The following DTX4 variants were observed in gnomAD, a reference collection of about 807,000 sequenced individuals.
DTX4 encodes deltex E3 ubiquitin ligase 4, also known as E3 ubiquitin-protein ligase DTX4.
Under a neutral mutation model 57.6 loss-of-function variants are expected in DTX4, and 28 were observed. The observed-to-expected ratio is 0.49, with a 90% CI of 0.36 to 0.67. DTX4 has a LOEUF of 0.67. DTX4 is among the 30% of genes least tolerant of loss of function. DTX4 has a pLI of 0.00. For missense variants in DTX4, 715 were observed against 836.8 expected (o/e 0.85, Z 1.80); for synonymous variants, 316 against 331.0 (o/e 0.95, Z 0.49).
In DTX4 at chr11:59,172,480, C is replaced by A. The variant is rs1262851341; in HGVS notation, c.-116C>A. 3 of 456,496 alleles carry A rather than the reference C, an allele frequency of 6.6e-6. No individual in the cohort carries two copies. Among genetic ancestry groups the A allele is most frequent in the African/African-American group, 6.4e-5 (3 of 47,218 alleles). 28.3% of individuals were successfully genotyped at this position (456,496 alleles called of 1,614,324 possible). Reference sequence around the variant, plus strand: ...GCTGAGGCTGCCCGGGGCGGCGGGGCGCGGGGCAGGGGGCGCGGTCGAGGC... The same window carrying A: ...GCTGAGGCTGCCCGGGGCGGCGGGGAGCGGGGCAGGGGGCGCGGTCGAGGC... On this transcript the variant is annotated 5_prime_UTR_variant, in exon 1 of 9. Transcript: ENST00000227451.
At chr11:59,184,147 C>T (rs1033920005) in intron 2 of DTX4, among the ~76,000 whole-genome samples, 8 of 152,214 alleles carry the variant, frequency 5.3e-5, no homozygotes, top group African/African-American at 1.7e-4. Flanking sequence ...ATGGCTAAAC[C>T]TTGCTGCTGC....
intron 8 of DTX4, among the ~76,000 whole-genome samples, chr11:59,203,010 A>G (rs1197020004): frequency 6.6e-6 from 1 of 152,250 alleles, no homozygotes; most frequent in Non-Finnish European, 1.5e-5. Flanking sequence ...TTGAAGAGGT[A>G]CAGTAAAAAT....
chr11:59,200,891 TCAA>T (rs1862733114), intron 8 of DTX4, among the ~76,000 whole-genome samples: 2 of 152,226 alleles, frequency 1.3e-5, no homozygotes, highest in Admixed American at 1.3e-4. Flanking sequence ...GCTGCTTACT[TCAA>T]CAAGTATTTA....
chr11:59,183,758 C>CCCTACT (rs1414893316), intron 2 of DTX4, among the ~76,000 whole-genome samples: 1 of 152,180 alleles, frequency 6.6e-6, no homozygotes, highest in African/African-American at 2.4e-5. Flanking sequence ...GAGGCCCAGC[C>CCCTACT]CCTACTCCTA....
At chr11:59,187,427 A>C (rs907443471) in intron 2 of DTX4, among the ~76,000 whole-genome samples, 1 of 152,210 alleles carries the variant, frequency 6.6e-6, no homozygotes, top group Non-Finnish European at 1.5e-5. Flanking sequence ...AGCTCTGTGC[A>C]TGTTGGTAAC....
chr11:59,199,867 C>A, intron 8 of DTX4, 94 bp downstream of exon 8: 1 of 1,024,096 alleles, frequency 9.8e-7, no homozygotes, highest in Non-Finnish European at 1.5e-6. Flanking sequence ...TCTTACAATG[C>A]ACAGACCAAA....
intron 7 of DTX4, 89 bp downstream of exon 7, chr11:59,195,458 T>C: frequency 7.0e-7 from 1 of 1,424,802 alleles, no homozygotes; most frequent in Non-Finnish European, 9.3e-7. Context: ...ATATGAAGAG[T>C]CTCCTTCCCA....
rs764675300 is a variant in DTX4, at chr11:59,195,375, C to A, written c.1536+6C>A. ...GCATCCCCCCCGGCATTCAGGTGAG[C>A]CTTTCTCTCAGGTGAGCCTTTCTGT... On this transcript the variant is annotated splice_donor_region_variant and intron_variant, in intron 7 of 8. Coordinates refer to ENST00000227451, the MANE Select transcript of DTX4 (RefSeq NM_015177.2). The A allele has an allele frequency of 2.5e-6, 4 of 1,597,174 alleles. No individual in the cohort carries two copies. The highest frequency in any genetic ancestry group is 3.4e-6 in the Non-Finnish European group (4 of 1,168,696).
chr11:59,182,428 G>C lies in DTX4; in HGVS notation c.901G>C (p.Ala301Pro). 6.2e-7 allele frequency: 1 copy of C among 1,611,960 alleles called. No individual in the cohort carries two copies. Among genetic ancestry groups the C allele is most frequent in the Non-Finnish European group, 8.5e-7 (1 of 1,178,972 alleles). Reference sequence around the variant, plus strand: ...GAATCGTACCAACCTGCAGCGACTGGCCATTGCCCAGTCCCGGGTGCTGAT... The same window carrying C: ...GAATCGTACCAACCTGCAGCGACTGCCCATTGCCCAGTCCCGGGTGCTGAT... Reference protein sequence around the residue: ...TLNRTNLQRLAIAQSRVLIAS... With the variant: ...TLNRTNLQRLPIAQSRVLIAS... Residue 301 changes from alanine to proline, a missense_variant, in exon 2 of 9, where the codon GCC becomes CCC. Coordinates refer to ENST00000227451, the MANE Select transcript of DTX4 (RefSeq NM_015177.2).
chr11:59,188,173 A>G (rs1268616867), intron 2 of DTX4, among the ~76,000 whole-genome samples: 1 of 152,222 alleles, frequency 6.6e-6, no homozygotes, highest in Non-Finnish European at 1.5e-5. Flanking sequence ...TGCCCTTTGT[A>G]GAGCCTAGAT....
chr11:59,203,005 G>A (rs907699731), intron 8 of DTX4, among the ~76,000 whole-genome samples: 19 of 152,184 alleles, frequency 1.2e-4, no homozygotes, highest in African/African-American at 4.6e-4. Flanking sequence ...AAACATTGAA[G>A]AGGTACAGTA....
chr11:59,198,547 G>A (rs149414605), intron 7 of DTX4, among the ~76,000 whole-genome samples: 223 of 152,236 alleles, frequency 1.5e-3, no homozygotes, highest in African/African-American at 5.0e-3. Context: ...AACTATTTAA[G>A]AAAATGGAAA....
intron 1 of DTX4, among the ~76,000 whole-genome samples, chr11:59,180,612 C>G (rs1439060794): frequency 1.3e-5 from 2 of 152,182 alleles, no homozygotes; most frequent in Non-Finnish European, 2.9e-5. Context: ...GAGATTCCAG[C>G]ATCCCAGGGG....
chr11:59,182,770 A>G (rs1157165804), intron 2 of DTX4, among the ~76,000 whole-genome samples: 6 of 152,150 alleles, frequency 3.9e-5, no homozygotes, highest in Non-Finnish European at 8.8e-5. Context: ...TACGCCTGTT[A>G]GGGTGGCTGT....
At chr11:59,191,296 A>G (rs1862595406) in intron 5 of DTX4, 121 bp downstream of exon 5, 1 of 944,572 alleles carries the variant, frequency 1.1e-6, no homozygotes, top group South Asian at 1.7e-5. Flanking sequence ...TGGATACAGA[A>G]CTGGTCAGAA....
At chr11:59,176,432 T>C (rs1323753901) in intron 1 of DTX4, among the ~76,000 whole-genome samples, 1 of 152,260 alleles carries the variant, frequency 6.6e-6, no homozygotes, top group Non-Finnish European at 1.5e-5. Flanking sequence ...GATTCTGAAT[T>C]AGGTGCCCTA....
Position 59,191,239 on chromosome 11 carries a change from C to T in DTX4, c.1221+64C>T, listed in dbSNP as rs375962381. 2,597 of 1,491,492 alleles carry T rather than the reference C, an allele frequency of 1.7e-3. 57 individuals are homozygous for T. The South Asian group carries it at 0.028, about 16-fold the overall frequency. 92.4% of individuals were successfully genotyped at this position (1,491,492 alleles called of 1,614,324 possible). Reference sequence around the variant, plus strand: ...TCACCCACAAGCATTTCCTCTTCTGCTGTTGGTTTCTACAGGATATGGCGG... The same window carrying T: ...TCACCCACAAGCATTTCCTCTTCTGTTGTTGGTTTCTACAGGATATGGCGG... On this transcript the variant is annotated intron_variant, in intron 5 of 8. Transcript: ENST00000227451.
At chr11:59,178,394 C>G (rs1862421098) in intron 1 of DTX4, among the ~76,000 whole-genome samples, 1 of 152,174 alleles carries the variant, frequency 6.6e-6, no homozygotes, top group South Asian at 2.1e-4. Context: ...TACGTTCTGC[C>G]TCATAAATAG....
rs1407092701 is a variant in DTX4 at position 59,182,062 on chromosome 11, G to C, written c.535G>C (p.Gly179Arg). 6.2e-7 allele frequency: 1 copy of C among 1,612,574 alleles called. No homozygotes were observed. Among genetic ancestry groups the C allele is most frequent in the South Asian group, 1.1e-5 (1 of 90,918 alleles). ...GGCTCAGTCCTGGCCAGTCAGCCCTGGGCCAGCCACCTCGCCCCCCATGTC... is the reference window on the plus strand; with the variant it reads ...GGCTCAGTCCTGGCCAGTCAGCCCTCGGCCAGCCACCTCGCCCCCCATGTC... ...PKAQSWPVSP[G>R]PATSPPMSPC... is the part of the protein sequence containing the mutation. Residue 179 changes from glycine (G) to arginine (R), a missense_variant, in exon 2 of 9, where the codon GGG becomes CGG. Gly to Arg is a moderately radical substitution (Grantham distance 125, BLOSUM62 -2). Transcript: ENST00000227451.
Sources: gnomAD v4.1 joint callset for allele counts (sites outside exome capture counted in the v4.1 genomes callset) on GRCh38, gnomAD v4.1.1 for gene constraint, MANE v1.5 for transcripts, NCBI Gene and HGNC (gene_info 2026-07-23, HGNC 2026-07-21) for gene names.